The following ANKRD12 variants were observed in gnomAD, a reference collection of about 807,000 sequenced individuals.
The protein encoded by ANKRD12 is ankyrin repeat domain 12.
A neutral mutation model predicts 183.4 loss-of-function variants in ANKRD12; 85 were observed. That is an observed-to-expected ratio of 0.46 (90% CI 0.39 to 0.56). The LOEUF is 0.56. Among genes scored for constraint, ANKRD12 ranks in the 20% least tolerant of loss-of-function variants. The pLI is 0.00. For missense variants in ANKRD12, 2,405 were observed against 2,357.1 expected (o/e 1.02, Z -0.42); for synonymous variants, 914 against 800.2 (o/e 1.14, Z -2.40).
In ANKRD12 at chr18:9,157,585, G is replaced by GTGTGTGTA. The variant is rs1472659778; in HGVS notation, c.-52+20621_-52+20622insGTGTGTAT. Among the ~76,000 whole-genome samples the GTGTGTGTA allele has an allele frequency of 3.2e-3, 296 of 92,666 alleles. 2 individuals carry two copies. Among genetic ancestry groups the GTGTGTGTA allele is most frequent in the African/African-American group, 0.013 (241 of 19,030 alleles). 60.8% of individuals were successfully genotyped at this position (92,666 alleles called of 152,430 possible). A position where few individuals can be genotyped will look rare whatever the true frequency, so the allele number is the denominator to read the frequency against. On this transcript the variant is annotated intron_variant, in intron 1 of 12. Transcript: ENST00000262126. ...TGTGTGTGTGTGTGTGTGTGTGTGT[G>GTGTGTGTA]TATATATATATATATGTATTTTTTT...
intron 1 of ANKRD12, among the ~76,000 whole-genome samples, chr18:9,142,792 G>T (rs577701381): frequency 1.3e-5 from 2 of 152,102 alleles, no homozygotes; most frequent in African/African-American, 4.8e-5. Flanking sequence ...GCTGAGGCAG[G>T]AGAATTGCTT....
intron 1 of ANKRD12, among the ~76,000 whole-genome samples, chr18:9,173,628 A>AGGGGGGGGGGG (rs775694472): frequency 2.0e-5 from 1 of 51,252 alleles, no homozygotes; most frequent in African/African-American, 7.3e-5. Context: ...GGGGGGGGGT[A>AGGGGGGGGGGG]GGGGGGGCAG....
chr18:9,249,973 C>T (rs1289905560), intron 8 of ANKRD12: 3 of 152,172 alleles, frequency 2.0e-5, no homozygotes, highest in South Asian at 4.1e-4. Context: ...ATACTCTGGG[C>T]TGCATCTCTT....
chr18:9,243,834 A>C (rs1214635169), intron 8 of ANKRD12, among the ~76,000 whole-genome samples: 2 of 152,206 alleles, frequency 1.3e-5, no homozygotes, highest in African/African-American at 4.8e-5. Flanking sequence ...TAGTTTTTTA[A>C]ATTGAAGAAA....
chr18:9,227,914 C>T (rs1598620864), intron 8 of ANKRD12, among the ~76,000 whole-genome samples: 1 of 152,174 alleles, frequency 6.6e-6, no homozygotes, highest in Non-Finnish European at 1.5e-5. Context: ...TCATCTAACC[C>T]TATGTTTGTA....
chr18:9,271,094 A>C (rs1369797903), intron 10 of ANKRD12, among the ~76,000 whole-genome samples: 1 of 152,102 alleles, frequency 6.6e-6, no homozygotes, highest in Non-Finnish European at 1.5e-5. Context: ...TGTTTTTTTG[A>C]GACAGTCTCA....
At chr18:9,209,674 T>C (rs2144612964) in intron 5 of ANKRD12, among the ~76,000 whole-genome samples, 1 of 152,354 alleles carries the variant, frequency 6.6e-6, no homozygotes, top group Non-Finnish European at 1.5e-5. Context: ...TACTCACTCC[T>C]ACCTTTTCCA....
chr18:9,216,637 CCTT>C, intron 6 of ANKRD12, 118 bp from the exon 7 acceptor site: 1 of 939,146 alleles, frequency 1.1e-6, no homozygotes, highest in Non-Finnish European at 1.6e-6. Context: ...CTTCATCACT[CCTT>C]TTTTTTTGCA....
intron 11 of ANKRD12, among the ~76,000 whole-genome samples, chr18:9,278,315 G>A (rs894280289): frequency 1.5e-4 from 23 of 152,184 alleles, no homozygotes; most frequent in Non-Finnish European, 2.9e-4. Flanking sequence ...TCTTTGGGTA[G>A]AGGCTCAGAT....
intron 8 of ANKRD12, among the ~76,000 whole-genome samples, chr18:9,253,023 T>C (rs1261414526): frequency 6.6e-6 from 1 of 152,182 alleles, no homozygotes; most frequent in Non-Finnish European, 1.5e-5. Flanking sequence ...TAAATGCATG[T>C]ATATAAATGT....
At chr18:9,211,999 T>C (rs1244179061) in intron 6 of ANKRD12, among the ~76,000 whole-genome samples, 2 of 152,142 alleles carry the variant, frequency 1.3e-5, no homozygotes, top group Admixed American at 1.3e-4. Context: ...ACTAAACTTA[T>C]ACTTTAGTTG....
At chr18:9,173,404 T>C (rs1354688112) in intron 1 of ANKRD12, among the ~76,000 whole-genome samples, 1 of 152,142 alleles carries the variant, frequency 6.6e-6, no homozygotes, top group African/African-American at 2.4e-5. Flanking sequence ...TTGTGGTGTC[T>C]TTTTTGTTGA....
intron 1 of ANKRD12, among the ~76,000 whole-genome samples, chr18:9,152,823 A>G (rs908335450): frequency 2.6e-5 from 4 of 151,808 alleles, no homozygotes; most frequent in African/African-American, 9.7e-5. Flanking sequence ...ATGCTTTCTC[A>G]CTTTCCTGTG....
chr18:9,156,720 A>G (rs910731157), intron 1 of ANKRD12, among the ~76,000 whole-genome samples: 5 of 152,234 alleles, frequency 3.3e-5, no homozygotes, highest in African/African-American at 9.6e-5. Flanking sequence ...AAACAGCCCA[A>G]TATCCACTCA....
At chr18:9,167,070 G>T (rs943277632) in intron 1 of ANKRD12, among the ~76,000 whole-genome samples, 1 of 151,860 alleles carries the variant, frequency 6.6e-6, no homozygotes, top group Non-Finnish European at 1.5e-5. Flanking sequence ...TGTTCCATTG[G>T]TCTATATCTC....
At chr18:9,221,334 G>A (rs1474281152) in intron 7 of ANKRD12, among the ~76,000 whole-genome samples, 1 of 152,028 alleles carries the variant, frequency 6.6e-6, no homozygotes, top group African/African-American at 2.4e-5. Flanking sequence ...GAAAGTGAAG[G>A]GTCTTGAAGT....
chr18:9,159,234 T>C (rs1433317367), intron 1 of ANKRD12, among the ~76,000 whole-genome samples: 1 of 152,174 alleles, frequency 6.6e-6, no homozygotes, highest in Non-Finnish European at 1.5e-5. Flanking sequence ...TATATGTGTA[T>C]ATTACTAATT....
intron 8 of ANKRD12, among the ~76,000 whole-genome samples, chr18:9,237,830 G>A (rs2037434695): frequency 1.3e-5 from 2 of 152,102 alleles, no homozygotes; most frequent in African/African-American, 4.8e-5. Flanking sequence ...GGATGGAAAG[G>A]TCAAAGTACA....
intron 1 of ANKRD12, among the ~76,000 whole-genome samples, chr18:9,144,320 C>T (rs1003422076): frequency 2.6e-5 from 4 of 152,098 alleles, no homozygotes; most frequent in Admixed American, 2.6e-4. Flanking sequence ...GATTATTAAT[C>T]TTCTATATGT....
Sources: allele counts gnomAD v4.1 joint callset (sites outside exome capture counted in the v4.1 genomes callset), GRCh38; gene constraint gnomAD v4.1.1; transcripts MANE v1.5; gene names NCBI Gene and HGNC (gene_info 2026-07-23, HGNC 2026-07-21).